ZNF578: variants seen among roughly 807,000 people sequenced by gnomAD.
The protein encoded by ZNF578 is Putative chemokine-related protein B42.
ZNF578 carries 8 observed loss-of-function variants against 8.3 expected under a neutral mutation model. The observed-to-expected ratio is 0.96, with a 90% confidence interval of 0.56 to 1.74. The LOEUF is 1.74. Ranked by LOEUF, ZNF578 falls within the 40% of genes most tolerant of loss-of-function variation. ZNF578 has a pLI of 0.00. For synonymous variants in ZNF578, 206 were observed against 232.2 expected (o/e 0.89, Z 1.03); for missense variants, 726 against 707.5 (o/e 1.03, Z -0.30).
intron 2 of ZNF578, chr19:52,473,715 C>A: frequency 4.0e-6 from 1 of 247,256 alleles, no homozygotes; most frequent in South Asian, 1.4e-4. Context: ...AAGTCCTTAT[C>A]ACATTCCTTA....
At chr19:52,493,432 C>T (rs1449359937) in intron 3 of ZNF578, among the ~76,000 whole-genome samples, 1 of 152,166 alleles carries the variant, frequency 6.6e-6, no homozygotes, top group Non-Finnish European at 1.5e-5. Context: ...TTCTTGCCTG[C>T]CCAGTTCCAC....
intron 2 of ZNF578, chr19:52,474,466 C>T: frequency 3.2e-6 from 1 of 315,094 alleles, no homozygotes; most frequent in East Asian, 8.3e-5. Context: ...ACATTCATTA[C>T]ATTTGTAAGG....
At chr19:52,482,495 G>A (rs368677731) in intron 2 of ZNF578, among the ~76,000 whole-genome samples, 117 of 152,256 alleles carry the variant, frequency 7.7e-4, no homozygotes, top group Non-Finnish European at 1.2e-3. Flanking sequence ...AAACTTAGCC[G>A]GGCGTGGTGG....
At chr19:52,484,458 A>C (rs1486961763) in intron 2 of ZNF578, among the ~76,000 whole-genome samples, 2 of 152,086 alleles carry the variant, frequency 1.3e-5, no homozygotes, top group South Asian at 2.1e-4. Flanking sequence ...ATATTTCAGA[A>C]TATCACATGG....
intron 2 of ZNF578, among the ~76,000 whole-genome samples, chr19:52,459,656 T>A (rs1204826463): frequency 7.1e-6 from 1 of 140,864 alleles, no homozygotes; most frequent in South Asian, 2.4e-4. Context: ...CACACATATA[T>A]ATACTACCAT....
chr19:52,511,918 T>C lies in ZNF578; in HGVS notation c.1537T>C (p.Cys513Arg), dbSNP rs2059449718. 1 of 1,613,806 alleles carries C rather than the reference T, an allele frequency of 6.2e-7. No individual in the cohort carries two copies. The highest frequency in any genetic ancestry group is 8.5e-7 in the Non-Finnish European group (1 of 1,179,946). Residue 513 changes from cysteine to arginine, a missense_variant, in exon 6 of 6, where the codon TGT becomes CGT. By Grantham distance (180) the Cys-to-Arg change is radical. Coordinates refer to ENST00000421239, the MANE Select transcript of ZNF578 (RefSeq NM_001099694.2). ...TCATAGTGGTGAGAAACCTTACAAG[T>C]GTAATGAATGTGGGAAGACTTTTAA... ...RLHSGEKPYK[C>R]NECGKTFNVQ...
intron 2 of ZNF578, among the ~76,000 whole-genome samples, chr19:52,468,003 TA>T (rs2059280743): frequency 1.3e-5 from 2 of 152,212 alleles, no homozygotes; most frequent in Admixed American, 1.3e-4. Flanking sequence ...TACTCATGCA[TA>T]TTTTTTTTCT....
intron 2 of ZNF578, among the ~76,000 whole-genome samples, chr19:52,484,371 C>T (rs7249798): frequency 0.55 from 84,098 of 151,918 alleles, 23,510 homozygotes; most frequent in African/African-American, 0.63. Flanking sequence ...CTTCCTCTTT[C>T]ACTAATCCTC....
In ZNF578 at chr19:52,515,609, C is replaced by T. The variant is rs1200296498; in HGVS notation, c.*3455C>T. Among the ~76,000 whole-genome samples the T allele has an allele frequency of 3.3e-5, 5 of 152,102 alleles. No individual in the cohort carries two copies. The highest frequency in any genetic ancestry group is 2.1e-4 in the South Asian group (1 of 4,812). ...AGGGTAACTTGGTGAAAATGTCTTC[C>T]GATCTGAGCCCCAGTGAGCCTCCCT... On this transcript the variant is annotated 3_prime_UTR_variant, in exon 6 of 6. Coordinates refer to ENST00000421239, the MANE Select transcript of ZNF578 (RefSeq NM_001099694.2).
chr19:52,482,079 G>T (rs2059328430), intron 2 of ZNF578, among the ~76,000 whole-genome samples: 1 of 152,116 alleles, frequency 6.6e-6, no homozygotes. Context: ...TGTTGTCCAG[G>T]CTGGAGTGCA....
chr19:52,454,611 T>TAAAC (rs3054898), intron 1 of ZNF578: 134,799 of 152,100 alleles, frequency 0.89, 60,512 homozygotes, highest in Non-Finnish European at 0.96. Flanking sequence ...AGGTTGCAGA[T>TAAAC]AGACAGATGG....
intron 2 of ZNF578, among the ~76,000 whole-genome samples, chr19:52,469,841 A>T (rs2059286647): frequency 6.6e-6 from 1 of 152,152 alleles, no homozygotes; most frequent in African/African-American, 2.4e-5. Context: ...TTCTAAGGGT[A>T]CCCTGGGTGC....
At chr19:52,506,274 G>A (rs977543528) in intron 5 of ZNF578, among the ~76,000 whole-genome samples, 1 of 151,822 alleles carries the variant, frequency 6.6e-6, no homozygotes, top group Non-Finnish European at 1.5e-5. Flanking sequence ...GTATTTATCT[G>A]TCGATGGATA....
chr19:52,498,049 A>T (rs1375370127), intron 3 of ZNF578, among the ~76,000 whole-genome samples: 1 of 152,150 alleles, frequency 6.6e-6, no homozygotes, highest in East Asian at 1.9e-4. Flanking sequence ...TGTTTTGCAC[A>T]TTTTTCTGGG....
chr19:52,477,988 T>G (rs2059313361), intron 2 of ZNF578, among the ~76,000 whole-genome samples: 1 of 152,242 alleles, frequency 6.6e-6, no homozygotes, highest in Non-Finnish European at 1.5e-5. Context: ...CAGTGCACAC[T>G]GCTGATAAGC....
intron 2 of ZNF578, among the ~76,000 whole-genome samples, chr19:52,484,416 G>A (rs2059337738): frequency 6.6e-6 from 1 of 152,102 alleles, no homozygotes. Flanking sequence ...TCGGGCTAGG[G>A]GATGGTCAGG....
rs2059476694 is a variant in ZNF578 at position 52,516,509 on chromosome 19, C to T, written c.*4355C>T. 6.6e-6 allele frequency among the ~76,000 whole-genome samples: 1 copy of T among 152,324 alleles called. No individual in the cohort carries two copies. Among genetic ancestry groups the T allele is most frequent in the African/African-American group, 2.4e-5 (1 of 41,570 alleles). ...TTTGTGTCAGGCCTCTGAGCCCAAG[C>T]TAAGCCATCGTATCCCCTGTCACCT... On this transcript the variant is annotated 3_prime_UTR_variant, in exon 6 of 6. Coordinates refer to ENST00000421239, the MANE Select transcript of ZNF578 (RefSeq NM_001099694.2).
intron 5 of ZNF578, among the ~76,000 whole-genome samples, chr19:52,508,942 C>T (rs1350474905): frequency 7.5e-6 from 1 of 132,848 alleles, no homozygotes; most frequent in African/African-American, 2.9e-5. Context: ...TGCCCTGTCA[C>T]CCAGGCTGGA....
At chr19:52,502,485 A>T (rs1394672530) in intron 4 of ZNF578, among the ~76,000 whole-genome samples, 1 of 152,246 alleles carries the variant, frequency 6.6e-6, no homozygotes, top group East Asian at 1.9e-4. Flanking sequence ...ACTTGTAATC[A>T]CAGCACTTTG....
Sources: gnomAD v4.1 joint callset for allele counts (sites outside exome capture counted in the v4.1 genomes callset) on GRCh38, gnomAD v4.1.1 for gene constraint, MANE v1.5 for transcripts, NCBI Gene and HGNC (gene_info 2026-07-23, HGNC 2026-07-21) for gene names.